Variants in RBMS3 observed in about 807,000 individuals in gnomAD.
The protein encoded by RBMS3 is RNA binding motif single stranded interacting protein 3, also known as RNA-binding motif, single-stranded-interacting protein 3.
A neutral mutation model predicts 66.8 loss-of-function variants in RBMS3; 27 were observed. The observed-to-expected ratio is 0.40, with a 90% CI of 0.30 to 0.56. The LOEUF (loss-of-function observed/expected upper bound fraction) is 0.56. Ranked by LOEUF, RBMS3 falls within the 20% of genes least tolerant of loss-of-function variation. RBMS3 has a pLI of 0.40. For missense variants in RBMS3, 513 were observed against 549.5 expected (o/e 0.93, Z 0.66); for synonymous variants, 188 against 183.0 (o/e 1.03, Z -0.22).
Position 30,009,389 on chromosome 3 carries a change from T to G in RBMS3, c.*5527T>G, listed in dbSNP as rs541932080. ...ATTAATTTCTTAAGGGGGTTTGAAATCATTGGTAAAATTAATATCAGTACA... is the reference window on the plus strand; with the variant it reads ...ATTAATTTCTTAAGGGGGTTTGAAAGCATTGGTAAAATTAATATCAGTACA... On this transcript the variant is annotated 3_prime_UTR_variant, in exon 15 of 15. Transcript: ENST00000383767. 1.6e-4 allele frequency: 25 copies of G among 151,964 alleles called. No homozygotes were observed. The South Asian group carries it at 5.2e-3, about 32-fold the overall frequency. The allele number at this position is 151,964 out of a possible 1,614,324, so 9.4% of individuals were successfully genotyped here. A position where few individuals can be genotyped will look rare whatever the true frequency, so the allele number is the denominator to read the frequency against.
chr3:29,995,503 G>A (rs1252996464), intron 14 of RBMS3, among the ~76,000 whole-genome samples: 1 of 151,572 alleles, frequency 6.6e-6, no homozygotes, highest in Non-Finnish European at 1.5e-5. Flanking sequence ...AATGTTAAGG[G>A]CAGCCAGAGA....
chr3:29,920,954 A>G (rs1366529380), intron 10 of RBMS3, among the ~76,000 whole-genome samples: 1 of 152,130 alleles, frequency 6.6e-6, no homozygotes, highest in African/African-American at 2.4e-5. Flanking sequence ...TGCCGTGTAA[A>G]AAATACATTT....
At chr3:29,743,931 T>G (rs1047740267) in intron 5 of RBMS3, among the ~76,000 whole-genome samples, 3 of 127,044 alleles carry the variant, frequency 2.4e-5, no homozygotes, top group Non-Finnish European at 3.2e-5. Flanking sequence ...GAGTGTGATG[T>G]TCCCCTTCCT....
intron 5 of RBMS3, among the ~76,000 whole-genome samples, chr3:29,741,633 AT>A (rs146240686): frequency 0.016 from 2,491 of 152,222 alleles, 62 homozygotes; most frequent in African/African-American, 0.056. Flanking sequence ...CTACAGTGAT[AT>A]TTTTTTCTTT....
At chr3:29,462,003 C>G (rs2042389012) in intron 2 of RBMS3, among the ~76,000 whole-genome samples, 1 of 142,514 alleles carries the variant, frequency 7.0e-6, no homozygotes, top group African/African-American at 2.6e-5. Flanking sequence ...GTCTCGATCT[C>G]CTGACCTCAT....
intron 7 of RBMS3, among the ~76,000 whole-genome samples, chr3:29,871,976 T>G (rs1006574504): frequency 1.3e-4 from 19 of 151,624 alleles, no homozygotes; most frequent in Non-Finnish European, 1.6e-4. Context: ...TTTTGAAATA[T>G]AAATATATGC....
chr3:29,626,271 C>T (rs1420620010), intron 4 of RBMS3, among the ~76,000 whole-genome samples: 3 of 151,928 alleles, frequency 2.0e-5, no homozygotes, highest in Non-Finnish European at 4.4e-5. Flanking sequence ...TTTGGCCTAC[C>T]CCATTCTTAA....
intron 5 of RBMS3, among the ~76,000 whole-genome samples, chr3:29,744,470 C>A (rs2054786719): frequency 6.6e-6 from 1 of 152,162 alleles, no homozygotes; most frequent in African/African-American, 2.4e-5. Context: ...TAGGAGTTTA[C>A]AGTTCCACAG....
At chr3:29,478,770 C>G (rs947493130) in intron 2 of RBMS3, among the ~76,000 whole-genome samples, 1 of 152,182 alleles carries the variant, frequency 6.6e-6, no homozygotes, top group South Asian at 2.1e-4. Context: ...TTTTCCATTA[C>G]GTATTCGGTT....
intron 1 of RBMS3, among the ~76,000 whole-genome samples, chr3:29,369,264 A>G (rs973104378): frequency 6.6e-6 from 1 of 152,020 alleles, no homozygotes; most frequent in Non-Finnish European, 1.5e-5. Context: ...CCCCCATGAC[A>G]CAAGTTTACC....
intron 12 of RBMS3, among the ~76,000 whole-genome samples, chr3:29,962,869 G>A (rs1696576358): frequency 6.6e-6 from 1 of 151,856 alleles, no homozygotes; most frequent in Non-Finnish European, 1.5e-5. Flanking sequence ...AATGAGGACA[G>A]CTCCTTTTTT....
At chr3:29,426,167 G>C (rs1179943384) in intron 1 of RBMS3, among the ~76,000 whole-genome samples, 1 of 152,118 alleles carries the variant, frequency 6.6e-6, no homozygotes, top group East Asian at 1.9e-4. Context: ...AATGTCTGAA[G>C]TATATGTTAA....
chr3:29,472,087 CAGTG>C (rs1376878684), intron 2 of RBMS3, among the ~76,000 whole-genome samples: 1 of 151,974 alleles, frequency 6.6e-6, no homozygotes, highest in Non-Finnish European at 1.5e-5. Context: ...TACTAATCGT[CAGTG>C]TATAGTTTGT....
intron 4 of RBMS3, among the ~76,000 whole-genome samples, chr3:29,675,127 C>G (rs748317417): frequency 6.6e-6 from 1 of 152,138 alleles, no homozygotes; most frequent in Non-Finnish European, 1.5e-5. Flanking sequence ...TACCACACAT[C>G]TACAACCATC....
chr3:29,316,655 AAATT>A (rs1455168112), intron 1 of RBMS3, among the ~76,000 whole-genome samples: 5 of 151,514 alleles, frequency 3.3e-5, no homozygotes, highest in Admixed American at 1.3e-4. Flanking sequence ...TTAAATTATT[AAATT>A]AATTATATTA....
intron 1 of RBMS3, among the ~76,000 whole-genome samples, chr3:29,323,405 A>C (rs1369497151): frequency 1.3e-5 from 2 of 152,136 alleles, no homozygotes; most frequent in Non-Finnish European, 2.9e-5. Context: ...TATTACTGTT[A>C]TCTTTTGAAT....
intron 6 of RBMS3, among the ~76,000 whole-genome samples, chr3:29,774,910 A>G (rs2056367935): frequency 6.6e-6 from 1 of 151,858 alleles, no homozygotes; most frequent in Admixed American, 6.6e-5. Context: ...TAAAATAAAT[A>G]AACATCTAAA....
At chr3:29,547,594 G>T (rs1289071107) in intron 3 of RBMS3, among the ~76,000 whole-genome samples, 1 of 151,798 alleles carries the variant, frequency 6.6e-6, no homozygotes, top group African/African-American at 2.4e-5. Flanking sequence ...TATTGCTGAG[G>T]GATATTTTCT....
intron 1 of RBMS3, among the ~76,000 whole-genome samples, chr3:29,388,821 C>T (rs973229998): frequency 2.0e-5 from 3 of 152,182 alleles, no homozygotes; most frequent in African/African-American, 7.2e-5. Flanking sequence ...GCCTTGGCCT[C>T]CCAAAGTGCT....
Sources: allele counts gnomAD v4.1 joint callset (sites outside exome capture counted in the v4.1 genomes callset), GRCh38; gene constraint gnomAD v4.1.1; transcripts MANE v1.5; gene names NCBI Gene and HGNC (gene_info 2026-07-23, HGNC 2026-07-21).